MRTFA: variants seen among roughly 807,000 people sequenced by gnomAD.
MRTFA encodes the protein myocardin related transcription factor A.
Under a neutral mutation model 83.5 loss-of-function variants are expected in MRTFA, and 20 were observed. The ratio of observed to expected loss-of-function variants is 0.24; its 90% CI spans 0.17 to 0.35. The LOEUF is 0.35. Ranked by LOEUF, MRTFA falls within the 10% of genes least tolerant of loss-of-function variation. The pLI is 1.00. For synonymous variants in MRTFA, 659 were observed against 541.2 expected, an observed-to-expected ratio of 1.22 and a Z score of -3.02; for missense variants, 1,200 against 1,224.7, an observed-to-expected ratio of 0.98 and a Z score of 0.30.
At chr22:40,562,776 G>A (rs1275404523) in intron 2 of MRTFA, among the ~76,000 whole-genome samples, 1 of 116,944 alleles carries the variant, frequency 8.6e-6, no homozygotes, top group Non-Finnish European at 1.8e-5. Flanking sequence ...AGGGAGGGAG[G>A]GAAACATGGG....
At chr22:40,461,204 C>CAA (rs55733153) in intron 4 of MRTFA, among the ~76,000 whole-genome samples, 669 of 50,238 alleles carry the variant, frequency 0.013, 30 homozygotes, top group African/African-American at 0.055. Flanking sequence ...GAACTTGTCT[C>CAA]AAAAAAAAAA....
intron 1 of MRTFA, among the ~76,000 whole-genome samples, chr22:40,618,574 G>A (rs1285963468): frequency 1.3e-5 from 2 of 152,098 alleles, no homozygotes; most frequent in African/African-American, 4.8e-5. Flanking sequence ...AGCAAAGGGA[G>A]GAGTGGCAGA....
At chr22:40,580,620 T>C (rs2055934035) in intron 2 of MRTFA, among the ~76,000 whole-genome samples, 1 of 152,326 alleles carries the variant, frequency 6.6e-6, no homozygotes, top group East Asian at 1.9e-4. Flanking sequence ...AAAGAGAATA[T>C]TGGAAGTAAG....
Position 40,417,406 on chromosome 22 carries a change from T to C in MRTFA, c.2452A>G (p.Thr818Ala). The C allele has an allele frequency of 6.2e-7, 1 of 1,610,980 alleles. No homozygotes were observed. Among genetic ancestry groups the C allele is most frequent in the Non-Finnish European group, 8.5e-7 (1 of 1,179,580 alleles). Residue 818 changes from threonine (T) to alanine (A), a missense_variant, in exon 13 of 15, where the codon ACT (threonine) becomes GCT (alanine). By Grantham distance (58) the Thr-to-Ala change is moderately conservative. Around this residue, in one of 2 missense-constraint regions of MRTFA, gnomAD observed 1,107 missense variants for 1,041.8 expected, o/e 1.06. Coordinates refer to ENST00000355630, the MANE Select transcript of MRTFA (RefSeq NM_020831.6). ...GGTGGTTCCTTCTTCAGCAGAGAAG[T>C]GGGGGTCCCAAAGAGGGGCTGCAGT... is the stretch of plus-strand genomic sequence containing the variant.
chr22:40,629,343 G>A (rs184793159), intron 1 of MRTFA, among the ~76,000 whole-genome samples: 76 of 152,138 alleles, frequency 5.0e-4, no homozygotes, highest in African/African-American at 1.6e-3. Context: ...CTACCTGGGA[G>A]GCTGAGGCAG....
At chr22:40,545,913 G>A (rs1377319888) in intron 3 of MRTFA, among the ~76,000 whole-genome samples, 1 of 150,726 alleles carries the variant, frequency 6.6e-6, no homozygotes, top group East Asian at 1.9e-4. Context: ...TTTTAGTAGA[G>A]GAGGGGTTTC....
chr22:40,572,505 A>G (rs1361093373), intron 2 of MRTFA, among the ~76,000 whole-genome samples: 2 of 151,982 alleles, frequency 1.3e-5, no homozygotes, highest in Non-Finnish European at 2.9e-5. Context: ...AAAAAAATCC[A>G]TACACCTGAA....
At chr22:40,531,111 T>C (rs888405462) in intron 3 of MRTFA, among the ~76,000 whole-genome samples, 1 of 152,076 alleles carries the variant, frequency 6.6e-6, no homozygotes. Flanking sequence ...GAAAGTTTTA[T>C]TTTTTGAGAC....
At chr22:40,553,511 G>C (rs920438974) in intron 2 of MRTFA, among the ~76,000 whole-genome samples, 5 of 152,140 alleles carry the variant, frequency 3.3e-5, no homozygotes, top group African/African-American at 1.2e-4. Flanking sequence ...GCTTCGAAGC[G>C]TGCAAGCCCA....
At chr22:40,609,499 A>AAC (rs2056360100) in intron 1 of MRTFA, among the ~76,000 whole-genome samples, 1 of 151,470 alleles carries the variant, frequency 6.6e-6, no homozygotes, top group South Asian at 2.1e-4. Flanking sequence ...AAAAAAAAAA[A>AAC]AAAAACACTT....
chr22:40,574,288 T>C (rs2055837800), intron 2 of MRTFA, among the ~76,000 whole-genome samples: 1 of 152,162 alleles, frequency 6.6e-6, no homozygotes. Context: ...CTTCTGTGTA[T>C]TCAACCAACC....
intron 1 of MRTFA, among the ~76,000 whole-genome samples, chr22:40,610,422 T>A (rs533897869): frequency 1.3e-5 from 2 of 152,254 alleles, no homozygotes; most frequent in African/African-American, 2.4e-5. Context: ...ACAAACTGAC[T>A]ACTGTACAGG....
rs1460471151 is a variant in MRTFA, at chr22:40,410,750, G to C, written c.*640C>G. 1 of 233,028 alleles carries C rather than the reference G, an allele frequency of 4.3e-6. No individual in the cohort carries two copies. Among genetic ancestry groups the C allele is most frequent in the East Asian group, 6.0e-5 (1 of 16,576 alleles). The allele number at this position is 233,028 out of a possible 1,614,324, so 14.4% of individuals were successfully genotyped here. ...CAGGCCCTTCTGTGAGAGTAGGATGGGAGGGAGTTGCACCCATCTCCTGTC... is the reference window on the plus strand; with the variant it reads ...CAGGCCCTTCTGTGAGAGTAGGATGCGAGGGAGTTGCACCCATCTCCTGTC... On this transcript the variant is annotated 3_prime_UTR_variant, in exon 15 of 15. Transcript: ENST00000355630.
chr22:40,429,388 G>A, intron 7 of MRTFA: 1 of 683,472 alleles, frequency 1.5e-6, no homozygotes, highest in African/African-American at 1.8e-5. Context: ...ATTATTTATT[G>A]TTGTATGTCC....
chr22:40,489,419 G>C (rs2054232911), intron 3 of MRTFA, among the ~76,000 whole-genome samples: 1 of 151,614 alleles, frequency 6.6e-6, no homozygotes, highest in Admixed American at 6.6e-5. Context: ...TCGTGAACAT[G>C]GTTCTAGCCT....
At chr22:40,430,902 G>A (rs1471487909) in intron 6 of MRTFA, among the ~76,000 whole-genome samples, 1 of 146,044 alleles carries the variant, frequency 6.8e-6, no homozygotes, top group Admixed American at 6.8e-5. Flanking sequence ...AAAAAAAAAA[G>A]GGAAAGACAT....
rs201694198 is a variant in MRTFA, at chr22:40,538,985, C to CTTTTTTTTTTTTTTTTTTTTTTTTTT, written c.241+13120_241+13121insAAAAAAAAAAAAAAAAAAAAAAAAAA. Among the ~76,000 whole-genome samples, 5 of 106,888 alleles carry CTTTTTTTTTTTTTTTTTTTTTTTTTT rather than the reference C, an allele frequency of 4.7e-5. 1 individual carries two copies. The highest frequency in any genetic ancestry group is 1.8e-5 in the Non-Finnish European group (1 of 55,568). The allele number at this position is 106,888 out of a possible 152,430, so 70.1% of individuals were successfully genotyped here. On this transcript the variant is annotated intron_variant, in intron 3 of 14. Coordinates refer to ENST00000355630, the MANE Select transcript of MRTFA (RefSeq NM_020831.6). Reference sequence around the variant, plus strand: ...GACATTATACTGCAGGATACACAGCCTTTTGTTTTTTTTTTTTTTTTTTTT... The same window carrying CTTTTTTTTTTTTTTTTTTTTTTTTTT: ...GACATTATACTGCAGGATACACAGCCTTTTTTTTTTTTTTTTTTTTTTTTTTTTTTGTTTTTTTTTTTTTTTTTTTT...
Position 40,525,892 on chromosome 22 carries a change from G to A in MRTFA, c.241+26214C>T, listed in dbSNP as rs576501604. ...CCTCCTTGTGGCACTTACATTCTACGAAGAGACAGCCACAACCAATAAACA... is the reference window on the plus strand; with the variant it reads ...CCTCCTTGTGGCACTTACATTCTACAAAGAGACAGCCACAACCAATAAACA... On this transcript the variant is annotated intron_variant, in intron 3 of 14. Coordinates refer to ENST00000355630, the MANE Select transcript of MRTFA (RefSeq NM_020831.6). Among the ~76,000 whole-genome samples the A allele has an allele frequency of 3.3e-5, 5 of 152,138 alleles. 1 individual carries two copies. In the South Asian group the frequency reaches 6.2e-4, roughly 19 times the overall value.
intron 3 of MRTFA, among the ~76,000 whole-genome samples, chr22:40,486,615 T>C (rs924953365): frequency 6.6e-6 from 1 of 152,238 alleles, no homozygotes; most frequent in Admixed American, 6.5e-5. Flanking sequence ...AACAACTGTA[T>C]TTGAATCTGG....
Sources: allele counts gnomAD v4.1 joint callset (sites outside exome capture counted in the v4.1 genomes callset), GRCh38; gene constraint gnomAD v4.1.1; regional missense constraint gnomAD v4.1.1; transcripts MANE v1.5; gene names NCBI Gene and HGNC (gene_info 2026-07-23, HGNC 2026-07-21).